The following ELN variants were observed in gnomAD, a reference collection of about 807,000 sequenced individuals.
The protein encoded by ELN is elastin, also known as tropoelastin.
Under a neutral mutation model 105.8 loss-of-function variants are expected in ELN, and 65 were observed. The observed-to-expected ratio is 0.61, with a 90% CI of 0.50 to 0.75. The LOEUF (loss-of-function observed/expected upper bound fraction) is 0.75. ELN is among the 30% of genes least tolerant of loss of function. The probability of loss-of-function intolerance (pLI) is 0.00; values close to 1 mark genes in which losing one functional copy is unlikely to be tolerated. For missense variants in ELN, 882 were observed against 969.4 expected (o/e 0.91, Z 1.20); for synonymous variants, 368 against 389.2 (o/e 0.95, Z 0.64).
Position 74,063,499 on chromosome 7 carries a change from G to T in ELN, c.1919-122G>T. ...CACCTCCTGGCTCCACTGTGCCATCGAAGGCCAGGGGAGACCTCAGGCTCC... is the reference window on the plus strand; with the variant it reads ...CACCTCCTGGCTCCACTGTGCCATCTAAGGCCAGGGGAGACCTCAGGCTCC... On this transcript the variant is annotated intron_variant, in intron 28 of 32. Coordinates refer to ENST00000252034, the MANE Select transcript of ELN (RefSeq NM_000501.4). This position sits in a 1 kb window ranked among gnomAD's most constrained non-coding sequence, Gnocchi z 4.1. The T allele has an allele frequency of 1.2e-6, 2 of 1,608,096 alleles. No individual in the cohort carries two copies. The highest frequency in any genetic ancestry group is 1.3e-5 in the African/African-American group (1 of 74,870).
chr7:74,054,892 C>G, intron 19 of ELN, 123 bp downstream of exon 19: 1 of 1,038,890 alleles, frequency 9.6e-7, no homozygotes, highest in Non-Finnish European at 1.5e-6. Flanking sequence ...GAGCAAGTCA[C>G]CAGCAGGCCT....
chr7:74,051,142 A>G, intron 15 of ELN, among the ~76,000 whole-genome samples: 1 of 152,134 alleles, frequency 6.6e-6, no homozygotes, highest in Non-Finnish European at 1.5e-5. Flanking sequence ...TCAGGGTCAG[A>G]CCACTAGGGC....
intron 1 of ELN, among the ~76,000 whole-genome samples, chr7:74,029,233 C>T (rs1387911712): frequency 2.6e-5 from 4 of 152,016 alleles, no homozygotes; most frequent in Non-Finnish European, 5.9e-5. Context: ...CGATGTGGCA[C>T]GCAAGCATGG....
chr7:74,034,323 T>C (rs142515941), intron 1 of ELN, among the ~76,000 whole-genome samples: 3 of 151,988 alleles, frequency 2.0e-5, no homozygotes, highest in Admixed American at 2.0e-4. Context: ...GGGAAGGGAG[T>C]GGGCTGCCTG....
At chr7:74,053,442 G>C (rs1053142341) in intron 18 of ELN, 133 bp downstream of exon 18, 1 of 1,507,686 alleles carries the variant, frequency 6.6e-7, no homozygotes, top group African/African-American at 1.4e-5. Flanking sequence ...CCTTGACCAC[G>C]TCTCATCCCC....
chr7:74,063,306 C>T lies in ELN; in HGVS notation c.1859-4C>T. On this transcript the variant is annotated splice_region_variant and splice_polypyrimidine_tract_variant and intron_variant, in intron 27 of 32. Transcript: ENST00000252034. The surrounding 1 kb of genome is among the most constrained non-coding windows in gnomAD (Gnocchi z 4.1). The stretch of plus-strand genomic sequence containing the variant: ...GCCTCCCTGAACTCGGTCTGTGTTC[C>T]CAGGAGCCGGACCCGCCGCCGCCGC... 6.4e-7 allele frequency: 1 copy of T among 1,555,448 alleles called. No homozygotes were observed. The highest frequency in any genetic ancestry group is 8.7e-7 in the Non-Finnish European group (1 of 1,149,982).
intron 22 of ELN, 41 bp from the exon 23 acceptor site, chr7:74,059,845 A>T (rs782616574): frequency 2.1e-5 from 20 of 933,352 alleles, no homozygotes; most frequent in Middle Eastern, 4.2e-4. Flanking sequence ...GTCCTCTTTG[A>T]TCAGGTCTTG....
chr7:74,028,875 T>A (rs1187178956), intron 1 of ELN, among the ~76,000 whole-genome samples: 2 of 152,028 alleles, frequency 1.3e-5, no homozygotes, highest in Non-Finnish European at 2.9e-5. Context: ...TGTGTGTGTG[T>A]GTGTGTGCAT....
chr7:74,050,859 T>C (rs1793884125), intron 15 of ELN, among the ~76,000 whole-genome samples: 1 of 152,024 alleles, frequency 6.6e-6, no homozygotes, highest in African/African-American at 2.4e-5. Context: ...AAAATAAAGA[T>C]GGAGCTTACC....
chr7:74,048,682 C>A, intron 15 of ELN, 126 bp downstream of exon 15: 1 of 1,074,086 alleles, frequency 9.3e-7, no homozygotes. Context: ...TTTTCAACAT[C>A]ACCCATCTAT....
chr7:74,068,822 C>A lies in ELN; in HGVS notation c.*122C>A. 7.7e-7 allele frequency: 1 copy of A among 1,305,934 alleles called. No individual in the cohort carries two copies. Among genetic ancestry groups the A allele is most frequent in the Non-Finnish European group, 1.1e-6 (1 of 908,900 alleles). The allele number at this position is 1,305,934 out of a possible 1,614,324, so 80.9% of individuals were successfully genotyped here. On this transcript the variant is annotated 3_prime_UTR_variant, in exon 33 of 33. Coordinates refer to ENST00000252034, the MANE Select transcript of ELN (RefSeq NM_000501.4). ...ACTCCCCACCCCAGGAGGGAACGGG[C>A]AGGCCGGGCGGCCTTGCAGATCCAC...
rs1554684271 is a variant in ELN, at chr7:74,061,157, C to T, written c.1786+18C>T. 2 of 1,614,042 alleles carry T rather than the reference C, an allele frequency of 1.2e-6. No homozygotes were observed. Among genetic ancestry groups the T allele is most frequent in the South Asian group, 1.1e-5 (1 of 91,086 alleles). On this transcript the variant is annotated intron_variant, in intron 26 of 32. Coordinates refer to ENST00000252034, the MANE Select transcript of ELN (RefSeq NM_000501.4). ...CAAATATGGTGAGTGCACCCCACAA[C>T]CACTTGTGGCTCCCTTGCCACCACA...
In ELN at chr7:74,063,752, T is replaced by TGGAGAC; in HGVS notation, c.1993+58_1993+63dup. 6.2e-7 allele frequency: 1 copy of TGGAGAC among 1,607,972 alleles called. No individual in the cohort carries two copies. The highest frequency in any genetic ancestry group is 1.1e-5 in the South Asian group (1 of 90,938). Reference sequence around the variant, plus strand: ...GTGGTGTGTGTATGCGAGACAGAGATGGAGACAGAGACAGAGACAGAGACT... The same window carrying TGGAGAC: ...GTGGTGTGTGTATGCGAGACAGAGATGGAGACGGAGACAGAGACAGAGACAGAGACT... On this transcript the variant is annotated intron_variant, in intron 29 of 32. Transcript: ENST00000252034. This position sits in a 1 kb window ranked among gnomAD's most constrained non-coding sequence, Gnocchi z 4.1.
chr7:74,036,722 G>A (rs1790038791), intron 3 of ELN, 138 bp downstream of exon 3: 1 of 1,254,772 alleles, frequency 8.0e-7, no homozygotes, highest in Non-Finnish European at 1.1e-6. Flanking sequence ...TCCAGGCGGT[G>A]GGAGGAGGCT....
chr7:74,063,526 C>T lies in ELN; in HGVS notation c.1919-95C>T, dbSNP rs1490110395. 36 of 1,610,258 alleles carry T rather than the reference C, an allele frequency of 2.2e-5. No individual in the cohort carries two copies. The highest frequency in any genetic ancestry group is 2.8e-5 in the Non-Finnish European group (33 of 1,177,976). On this transcript the variant is annotated intron_variant, in intron 28 of 32. Transcript: ENST00000252034. The surrounding 1 kb of genome is among the most constrained non-coding windows in gnomAD (Gnocchi z 4.1). Reference sequence around the variant, plus strand: ...AGGCCAGGGGAGACCTCAGGCTCCACCTGTGTCCCCAGAGGACACCTCCGC... The same window carrying T: ...AGGCCAGGGGAGACCTCAGGCTCCATCTGTGTCCCCAGAGGACACCTCCGC...
At chr7:74,046,896 C>A in intron 12 of ELN, 129 bp downstream of exon 12, 2 of 1,059,130 alleles carry the variant, frequency 1.9e-6, no homozygotes, top group Non-Finnish European at 2.8e-6. Flanking sequence ...CTAGCCTGGC[C>A]AACATGGCAA....
At chr7:74,045,612 A>G (rs926979971) in intron 10 of ELN, among the ~76,000 whole-genome samples, 3 of 152,030 alleles carry the variant, frequency 2.0e-5, no homozygotes, top group Non-Finnish European at 4.4e-5. Flanking sequence ...ACATGGTCAC[A>G]CACACCTATG....
At chr7:74,065,270 T>C (rs1043851580) in intron 29 of ELN, among the ~76,000 whole-genome samples, 1 of 151,274 alleles carries the variant, frequency 6.6e-6, no homozygotes, top group Non-Finnish European at 1.5e-5. Flanking sequence ...GATGGGGGGA[T>C]AGACTGGGAG....
In ELN at chr7:74,068,637, G is replaced by GTGCA; in HGVS notation, c.2132-19_2132-16dup. ...TGAGAGGGGCCGGACTCACAGTGAT[G>GTGCA]TGCACCTCCTCCCGTCCAGGTGGGG... On this transcript the variant is annotated intron_variant, in intron 32 of 32. Coordinates refer to ENST00000252034, the MANE Select transcript of ELN (RefSeq NM_000501.4). 6.2e-7 allele frequency: 1 copy of GTGCA among 1,614,140 alleles called. No homozygotes were observed. Among genetic ancestry groups the GTGCA allele is most frequent in the Non-Finnish European group, 8.5e-7 (1 of 1,180,010 alleles).
Sources: gnomAD v4.1 joint callset for allele counts (sites outside exome capture counted in the v4.1 genomes callset) on GRCh38, gnomAD v4.1.1 for gene constraint, Gnocchi (gnomAD v3.1) non-coding constraint, MANE v1.5 for transcripts, NCBI Gene and HGNC (gene_info 2026-07-23, HGNC 2026-07-21) for gene names.